Variants in NDUFAF4 observed in about 807,000 individuals in gnomAD.
NDUFAF4 encodes the protein NADH dehydrogenase [ubiquinone] 1 alpha subcomplex assembly factor 4.
In NDUFAF4, 10 loss-of-function variants were observed where a neutral mutation model predicts 15.6. That is an observed-to-expected ratio of 0.64 (90% CI 0.40 to 1.09). The LOEUF is 1.09. Ranked by LOEUF, NDUFAF4 falls within the 50% of genes least tolerant of loss-of-function variation. NDUFAF4 has a pLI of 0.01. For missense variants in NDUFAF4, 203 were observed against 207.3 expected (o/e 0.98, Z 0.13); for synonymous variants, 77 against 73.3 (o/e 1.05, Z -0.26).
rs186633576 is a variant in NDUFAF4 at position 96,889,667 on chromosome 6, C to T, written c.*1437G>A. 175 of 152,674 alleles carry T rather than the reference C, an allele frequency of 1.1e-3. No homozygotes were observed. The highest frequency in any genetic ancestry group is 3.9e-3 in the African/African-American group (164 of 41,556). 9.5% of individuals were successfully genotyped at this position (152,674 alleles called of 1,614,324 possible). On this transcript the variant is annotated 3_prime_UTR_variant, in exon 3 of 3. Transcript: ENST00000316149. ...TACTACAAATGCCTCATTCCGTCAT[C>T]ACATTGAATTCTTCAACATCCTCTA...
chr6:96,896,434 C>T (rs1431159126), intron 2 of NDUFAF4, among the ~76,000 whole-genome samples: 1 of 152,230 alleles, frequency 6.6e-6, no homozygotes, highest in East Asian at 1.9e-4. Flanking sequence ...GCTTTTGTCA[C>T]TCAAATGACA....
Position 96,896,872 on chromosome 6 carries a change from T to A in NDUFAF4, c.137-25A>T, listed in dbSNP as rs777170636. ...ACTAAGGAAAGGAAAAAAGTCACAATATTAAAATCAAGGAAAATTTCCTGT... is the reference window on the plus strand; with the variant it reads ...ACTAAGGAAAGGAAAAAAGTCACAAAATTAAAATCAAGGAAAATTTCCTGT... On this transcript the variant is annotated intron_variant, in intron 1 of 2. Coordinates refer to ENST00000316149, the MANE Select transcript of NDUFAF4 (RefSeq NM_014165.4). 8.4e-6 allele frequency: 13 copies of A among 1,548,202 alleles called. No homozygotes were observed. In the Admixed American group the frequency reaches 2.0e-4, roughly 24 times the overall value.
intron 2 of NDUFAF4, among the ~76,000 whole-genome samples, chr6:96,892,846 C>G (rs1192593489): frequency 6.6e-6 from 1 of 152,028 alleles, no homozygotes; most frequent in East Asian, 1.9e-4. Context: ...CAAAGTAATC[C>G]CACACACTCC....
At chr6:96,894,072 C>T (rs1308100992) in intron 2 of NDUFAF4, among the ~76,000 whole-genome samples, 5 of 152,148 alleles carry the variant, frequency 3.3e-5, no homozygotes, top group Non-Finnish European at 2.9e-5. Context: ...TATAGTAGTA[C>T]CTGGCTTTAT....
At chr6:96,891,422 A>G in intron 2 of NDUFAF4, 31 bp from the exon 3 acceptor site, 1 of 1,585,744 alleles carries the variant, frequency 6.3e-7, no homozygotes, top group Non-Finnish European at 8.6e-7. Context: ...TTTTAGGATG[A>G]GAGAAAAGAT....
At chr6:96,891,733 A>G (rs1268183779) in intron 2 of NDUFAF4, among the ~76,000 whole-genome samples, 3 of 151,824 alleles carry the variant, frequency 2.0e-5, no homozygotes, top group Non-Finnish European at 4.4e-5. Flanking sequence ...CACCATGATT[A>G]TAAGTTTCCT....
intron 1 of NDUFAF4, 126 bp from the exon 2 acceptor site, chr6:96,896,973 C>A (rs1199530215): frequency 5.4e-6 from 4 of 739,044 alleles, no homozygotes; most frequent in South Asian, 1.5e-5. Flanking sequence ...GTTGCCCAGA[C>A]TGGAGTGCAG....
intron 2 of NDUFAF4, 135 bp downstream of exon 2, chr6:96,896,609 A>C (rs1162680536): frequency 2.7e-6 from 2 of 732,406 alleles, no homozygotes; most frequent in Non-Finnish European, 2.4e-6. Context: ...GTGTGCTTAA[A>C]CTTTGCCAAG....
At position 96,897,724 on chromosome 6, in the gene NDUFAF4, C is replaced by T. The variant is rs748262976; in HGVS notation, c.78G>A (p.Lys26=). 3 of 1,614,206 alleles carry T rather than the reference C, an allele frequency of 1.9e-6. No individual in the cohort carries two copies. The highest frequency in any genetic ancestry group is 1.6e-4 in the Middle Eastern group (1 of 6,062). ...AGGGGTGTCTGGGAGCGACAGAGGGCTTCATCTTGCTGATTTCCCGTTCCG... is the reference window on the plus strand; with the variant it reads ...AGGGGTGTCTGGGAGCGACAGAGGGTTTCATCTTGCTGATTTCCCGTTCCG... ...NRAEREISKM[K]PSVAPRHPST... The change falls in exon 1 of 3, where the codon AAG becomes AAA. Residue 26 remains lysine (K), a synonymous_variant. Coordinates refer to ENST00000316149, the MANE Select transcript of NDUFAF4 (RefSeq NM_014165.4).
Position 96,897,884 on chromosome 6 carries a change from G to A in NDUFAF4, c.-83C>T. On this transcript the variant is annotated 5_prime_UTR_variant, in exon 1 of 3. Transcript: ENST00000316149. The stretch of plus-strand genomic sequence containing the variant: ...CAACTCCGGGACACCCGGAGCATGC[G>A]CACAAGTGAGGGGAAGCCCCGCCGC... 6.2e-7 allele frequency: 1 copy of A among 1,603,558 alleles called. No individual in the cohort carries two copies. The highest frequency in any genetic ancestry group is 2.2e-5 in the East Asian group (1 of 44,764).
At chr6:96,897,544 C>A (rs1420879223) in intron 1 of NDUFAF4, 122 bp downstream of exon 1, 1 of 1,440,328 alleles carries the variant, frequency 6.9e-7, no homozygotes, top group Non-Finnish European at 9.5e-7. Context: ...CTCCGCCAAC[C>A]CGAGCGGCTG....
rs1351253763 is a variant in NDUFAF4, at chr6:96,890,962, G to A, written c.*142C>T. 1.3e-6 allele frequency: 1 copy of A among 753,624 alleles called. No homozygotes were observed. Among genetic ancestry groups the A allele is most frequent in the African/African-American group, 1.8e-5 (1 of 56,474 alleles). The allele number at this position is 753,624 out of a possible 1,614,324, so 46.7% of individuals were successfully genotyped here. A position where few individuals can be genotyped will look rare whatever the true frequency, so the allele number is the denominator to read the frequency against. ...TTCTATGGCAATCTTGAAAAGTCAG[G>A]GAGCTCAATAAATATTAAGAGTATG... On this transcript the variant is annotated 3_prime_UTR_variant, in exon 3 of 3. Coordinates refer to ENST00000316149, the MANE Select transcript of NDUFAF4 (RefSeq NM_014165.4).
In NDUFAF4 at chr6:96,889,583, C is replaced by T. The variant is rs912531922; in HGVS notation, c.*1521G>A. 6.6e-6 allele frequency: 1 copy of T among 152,530 alleles called. No homozygotes were observed. The highest frequency in any genetic ancestry group is 6.5e-5 in the Admixed American group (1 of 15,276). The allele number at this position is 152,530 out of a possible 1,614,324, so 9.4% of individuals were successfully genotyped here. On this transcript the variant is annotated 3_prime_UTR_variant, in exon 3 of 3. Transcript: ENST00000316149. ...TAGGTAGTTTGTTCACATAACAAAT[C>T]TACATTCAAAGTCATGCTTACAAAT...
At position 96,891,175 on chromosome 6, in the gene NDUFAF4, G is replaced by A; in HGVS notation, c.457C>T (p.Leu153Phe). 1 of 1,613,016 alleles carries A rather than the reference G, an allele frequency of 6.2e-7. No homozygotes were observed. Among genetic ancestry groups the A allele is most frequent in the South Asian group, 1.1e-5 (1 of 90,996 alleles). The change falls in exon 3 of 3, where the codon CTT (leucine) becomes TTT (phenylalanine). Residue 153 changes from leucine to phenylalanine, a missense_variant. Leu to Phe is a conservative substitution (Grantham distance 22). Coordinates refer to ENST00000316149, the MANE Select transcript of NDUFAF4 (RefSeq NM_014165.4). ...QLEQKDVNSL[L>F]KYFVTFEVEI... ...ACTTCAAAAGTAACAAAATATTTAA[G>A]AAGAGAATTCACATCTTTCTGTTCT...
At chr6:96,897,365 C>A (rs1168619810) in intron 1 of NDUFAF4, among the ~76,000 whole-genome samples, 2 of 152,236 alleles carry the variant, frequency 1.3e-5, no homozygotes, top group Non-Finnish European at 2.9e-5. Flanking sequence ...GTGACCCTCT[C>A]GGATTTTGAT....
At chr6:96,894,060 T>C (rs1264936085) in intron 2 of NDUFAF4, among the ~76,000 whole-genome samples, 1 of 152,212 alleles carries the variant, frequency 6.6e-6, no homozygotes, top group Non-Finnish European at 1.5e-5. Context: ...CACTTTCTGA[T>C]ATATAGTAGT....
At chr6:96,895,702 A>G (rs577407122) in intron 2 of NDUFAF4, among the ~76,000 whole-genome samples, 4 of 152,208 alleles carry the variant, frequency 2.6e-5, no homozygotes, top group Non-Finnish European at 4.4e-5. Flanking sequence ...GAACACAGAC[A>G]TTAACCCTAT....
intron 2 of NDUFAF4, 36 bp from the exon 3 acceptor site, chr6:96,891,427 A>G (rs1464122790): frequency 6.4e-7 from 1 of 1,572,208 alleles, no homozygotes; most frequent in Non-Finnish European, 8.7e-7. Context: ...GGATGAGAGA[A>G]AAGATTTGAC....
At chr6:96,897,504 T>C (rs1474755159) in intron 1 of NDUFAF4, among the ~76,000 whole-genome samples, 162 bp downstream of exon 1, 1 of 151,714 alleles carries the variant, frequency 6.6e-6, no homozygotes, top group Admixed American at 6.6e-5. Flanking sequence ...AGTCTCAATG[T>C]CACCGGCCTG....
Sources: gnomAD v4.1 joint callset for allele counts (sites outside exome capture counted in the v4.1 genomes callset) on GRCh38, gnomAD v4.1.1 for gene constraint, MANE v1.5 for transcripts, NCBI Gene and HGNC (gene_info 2026-07-23, HGNC 2026-07-21) for gene names.